Variants in PKHD1L1 observed in about 807,000 individuals in gnomAD.
PKHD1L1 encodes PKHD1 like 1, also known as fibrocystin-L.
PKHD1L1 carries 434 observed loss-of-function variants against 462.9 expected under a neutral mutation model. That is an observed-to-expected ratio of 0.94 (90% CI 0.87 to 1.02). The LOEUF (loss-of-function observed/expected upper bound fraction) is 1.02. PKHD1L1 is among the 50% of genes least tolerant of loss of function. The pLI, the probability that PKHD1L1 is intolerant of heterozygous loss-of-function variation, is 0.00. For missense variants in PKHD1L1, 5,202 were observed against 5,096.1 expected, an observed-to-expected ratio of 1.02 and a Z score of -0.63; for synonymous variants, 1,781 against 1,750.0, an observed-to-expected ratio of 1.02 and a Z score of -0.44.
At chr8:109,475,464 G>A (rs1335560890) in intron 51 of PKHD1L1, among the ~76,000 whole-genome samples, 195 bp downstream of exon 51, 1 of 152,096 alleles carries the variant, frequency 6.6e-6, no homozygotes, top group Non-Finnish European at 1.5e-5. Flanking sequence ...AGAATCAGAA[G>A]TAAGCAATCT....
chr8:109,465,746 C>T (rs1817407496), intron 49 of PKHD1L1, among the ~76,000 whole-genome samples: 1 of 152,172 alleles, frequency 6.6e-6, no homozygotes, highest in East Asian at 1.9e-4. Context: ...CACAAACCAG[C>T]TGTGAACCCT....
rs1639164853 is a variant in PKHD1L1 at position 109,522,786 on chromosome 8, C to T, written c.12226C>T (p.His4076Tyr). 1.2e-6 allele frequency: 2 copies of T among 1,612,228 alleles called. No homozygotes were observed. The highest frequency in any genetic ancestry group is 1.7e-6 in the Non-Finnish European group (2 of 1,179,492). ...TGAAAGGTCTGCATTTCCTGTTCAT[C>T]ACGTGGCCTTCGTGTCCTCACTCTT... is the stretch of plus-strand genomic sequence containing the variant. The part of the protein sequence containing the change: ...PVERSAFPVH[H>Y]VAFVSSLLVI... Residue 4076 changes from histidine to tyrosine, a missense_variant, in exon 75 of 78, where the codon CAC (histidine) becomes TAC (tyrosine). Physicochemically the swap from His to Tyr is moderately conservative, Grantham distance 83 (BLOSUM62 2). This residue lies in a region of PKHD1L1 where 698 missense variants were observed against 736.3 expected (regional missense o/e 0.95). Transcript: ENST00000378402.
At chr8:109,504,112 C>T (rs561806461) in intron 67 of PKHD1L1, among the ~76,000 whole-genome samples, 40 of 152,170 alleles carry the variant, frequency 2.6e-4, no homozygotes, top group African/African-American at 6.0e-4. Flanking sequence ...TGGCCAAGCC[C>T]GGAGAAAATA....
intron 1 of PKHD1L1, among the ~76,000 whole-genome samples, chr8:109,363,154 C>T (rs555975248): frequency 6.6e-6 from 1 of 152,240 alleles, no homozygotes; most frequent in Non-Finnish European, 1.5e-5. Flanking sequence ...CAGAAGAGGG[C>T]TGGGAAGAGA....
chr8:109,388,710 A>C (rs966849224), intron 7 of PKHD1L1, among the ~76,000 whole-genome samples, 160 bp downstream of exon 7: 1 of 152,202 alleles, frequency 6.6e-6, no homozygotes, highest in African/African-American at 2.4e-5. Flanking sequence ...TTTTACAGTT[A>C]GGTGCTACCT....
At chr8:109,513,835 G>C (rs534720622) in intron 71 of PKHD1L1, among the ~76,000 whole-genome samples, 15 of 152,186 alleles carry the variant, frequency 9.9e-5, no homozygotes, top group African/African-American at 3.6e-4. Flanking sequence ...CACCTCCACT[G>C]CTACTATCCA....
At chr8:109,468,023 A>G (rs549444198) in intron 50 of PKHD1L1, among the ~76,000 whole-genome samples, 168 of 152,320 alleles carry the variant, frequency 1.1e-3, no homozygotes, top group African/African-American at 3.7e-3. Context: ...TTAAAATGCT[A>G]TCAATATTGT....
At chr8:109,402,421 C>T (rs537084937) in intron 14 of PKHD1L1, among the ~76,000 whole-genome samples, 1 of 152,160 alleles carries the variant, frequency 6.6e-6, no homozygotes, top group Non-Finnish European at 1.5e-5. Context: ...AGAGCCTCAG[C>T]AGGCATGGTT....
intron 24 of PKHD1L1, 150 bp from the exon 25 acceptor site, chr8:109,426,852 C>T: frequency 1.7e-6 from 1 of 593,398 alleles, no homozygotes; most frequent in Non-Finnish European, 3.0e-6. Flanking sequence ...GGGGTTTTAC[C>T]ATGTTGGCCA....
chr8:109,448,543 G>A (rs1363696004), intron 39 of PKHD1L1, among the ~76,000 whole-genome samples, 152 bp downstream of exon 39: 1 of 147,824 alleles, frequency 6.8e-6, no homozygotes, highest in East Asian at 2.0e-4. Flanking sequence ...ACAGAGTCTC[G>A]CTCGGTCGCC....
intron 29 of PKHD1L1, 31 bp downstream of exon 29, chr8:109,435,385 A>G (rs748087090): frequency 1.6e-5 from 25 of 1,590,854 alleles, no homozygotes; most frequent in Non-Finnish European, 2.1e-5. Context: ...CAGAGAGAAA[A>G]TTGCATGCAT....
intron 41 of PKHD1L1, among the ~76,000 whole-genome samples, chr8:109,451,629 A>G (rs1783165): frequency 0.3 from 45,150 of 152,030 alleles, 7,297 homozygotes; most frequent in Admixed American, 0.43. Flanking sequence ...TGTGTACTGC[A>G]TTGTCATCAT....
At chr8:109,529,317 A>G (rs956586818) in intron 77 of PKHD1L1, among the ~76,000 whole-genome samples, 1 of 152,202 alleles carries the variant, frequency 6.6e-6, no homozygotes, top group Non-Finnish European at 1.5e-5. Flanking sequence ...AGCTGAATAT[A>G]GACAAGGGGG....
intron 38 of PKHD1L1, among the ~76,000 whole-genome samples, chr8:109,446,558 T>C (rs1459835382): frequency 2.0e-5 from 3 of 152,234 alleles, no homozygotes; most frequent in East Asian, 1.9e-4. Context: ...TTTGAGTAAG[T>C]AGTATTTTCT....
intron 5 of PKHD1L1, 67 bp downstream of exon 5, chr8:109,384,194 A>T (rs930879669): frequency 5.9e-6 from 7 of 1,178,558 alleles, no homozygotes; most frequent in Non-Finnish European, 8.7e-6. Flanking sequence ...TTTTTAGTAT[A>T]TGAAATTAGT....
Position 109,480,090 on chromosome 8 carries a change from A to T in PKHD1L1, c.9278A>T (p.Glu3093Val), listed in dbSNP as rs747510747. ...LEDKYNVGAA[E>V]SSYREVVLNA... is the part of the protein sequence containing the mutation. Reference sequence around the variant, plus strand: ...GATAAATACAATGTAGGAGCTGCAGAATCTTCTTACAGAGAAGTTGTTTTG... The same window carrying T: ...GATAAATACAATGTAGGAGCTGCAGTATCTTCTTACAGAGAAGTTGTTTTG... Residue 3093 changes from glutamate to valine, a missense_variant, in exon 55 of 78, where the codon GAA becomes GTA. Physicochemically the swap from Glu to Val is moderately radical, Grantham distance 121. Transcript: ENST00000378402. 2.5e-6 allele frequency: 4 copies of T among 1,580,592 alleles called. No individual in the cohort carries two copies. In the Admixed American group the frequency reaches 5.4e-5, roughly 22 times the overall value.
intron 2 of PKHD1L1, among the ~76,000 whole-genome samples, chr8:109,378,578 A>C (rs1811953547): frequency 6.6e-6 from 1 of 152,120 alleles, no homozygotes; most frequent in Non-Finnish European, 1.5e-5. Context: ...TAATACATAC[A>C]TCCTGTGTCC....
chr8:109,425,233 G>C lies in PKHD1L1; in HGVS notation c.2845+1G>C. ...CAAGCTTATGGACATATTCTTAAAG[G>C]TATATGAAAAAAATTTAAAATATTG... On this transcript the variant is annotated splice_donor_variant, in intron 24 of 77. Transcript: ENST00000378402. LOFTEE classifies it high-confidence loss of function. The C allele has an allele frequency of 6.4e-6, 10 of 1,568,700 alleles. No homozygotes were observed. Among genetic ancestry groups the C allele is most frequent in the Non-Finnish European group, 8.6e-6 (10 of 1,163,052 alleles).
Position 109,518,174 on chromosome 8 carries a change from C to A in PKHD1L1, c.11697C>A (p.Phe3899Leu). ...ELNNHLYKDQ[F>L]LPNLDSTVLG... The stretch of plus-strand genomic sequence containing the variant: ...GGCTTTTTTCCTTCATAGACCAATT[C>A]CTTCCTAACCTGGATTCCACTGTCC... Residue 3899 changes from phenylalanine to leucine, a missense_variant, in exon 73 of 78, where the codon TTC (phenylalanine) becomes TTA (leucine). Around this residue, in one of 3 missense-constraint regions of PKHD1L1, gnomAD observed 698 missense variants for 736.3 expected, o/e 0.95. Transcript: ENST00000378402. The A allele has an allele frequency of 6.4e-7, 1 of 1,574,336 alleles. No homozygotes were observed.
Sources: allele counts gnomAD v4.1 joint callset (sites outside exome capture counted in the v4.1 genomes callset), GRCh38; gene constraint gnomAD v4.1.1; regional missense constraint gnomAD v4.1.1; transcripts MANE v1.5; gene names NCBI Gene and HGNC (gene_info 2026-07-23, HGNC 2026-07-21).